HIVEP3: variants seen among roughly 807,000 people sequenced by gnomAD.
The protein encoded by HIVEP3 is HIVEP zinc finger 3, also known as transcription factor HIVEP3.
HIVEP3 carries 49 observed loss-of-function variants against 152.8 expected under a neutral mutation model. The ratio of observed to expected loss-of-function variants is 0.32; its 90% CI spans 0.26 to 0.41. HIVEP3 has a LOEUF of 0.41. Among genes scored for constraint, HIVEP3 ranks in the 10% least tolerant of loss-of-function variants. The pLI, the probability that HIVEP3 is intolerant of heterozygous loss-of-function variation, is 1.00. For missense variants in HIVEP3, 2,790 were observed against 3,103.3 expected, an observed-to-expected ratio of 0.90 and a Z score of 2.40; for synonymous variants, 1,269 against 1,289.0, an observed-to-expected ratio of 0.98 and a Z score of 0.33.
intron 5 of HIVEP3, among the ~76,000 whole-genome samples, chr1:41,538,159 C>T (rs550012169): frequency 5.9e-4 from 90 of 152,262 alleles, no homozygotes; most frequent in African/African-American, 2.1e-3. Context: ...ACACCTTTGT[C>T]TGAGACTTTT....
Position 41,518,431 on chromosome 1 carries a change from C to T in HIVEP3, c.5441G>A (p.Gly1814Glu), listed in dbSNP as rs764185026. The T allele has an allele frequency of 6.2e-7, 1 of 1,614,208 alleles. No homozygotes were observed. The highest frequency in any genetic ancestry group is 8.5e-7 in the Non-Finnish European group (1 of 1,180,030). Residue 1814 changes from glycine to glutamate, a missense_variant, in exon 7 of 9, where the codon GGG (glycine) becomes GAG (glutamate). This residue lies in a region of HIVEP3 where 816 missense variants were observed against 806.5 expected (regional missense o/e 1.01). Transcript: ENST00000372583. ...KAHSKKCQET[G>E]VLEELEAEEG... ...TTCGGCTTCCAGCTCCTCCAGCACC[C>T]CTGTCTCTTGGCACTTTTTGCTGTG...
chr1:41,844,200 A>C lies in HIVEP3; in HGVS notation c.-801+74213T>G, dbSNP rs1395527151. On this transcript the variant is annotated intron_variant, in intron 1 of 8. Transcript: ENST00000372583. ...AGTCCACCTCCACTGCAAACTGAGA[A>C]TCAGTTCAGCCAAGGGGCATGGAAA... 6.6e-5 allele frequency among the ~76,000 whole-genome samples: 10 copies of C among 152,200 alleles called. 1 individual carries two copies. The highest frequency in any genetic ancestry group is 1.2e-4 in the African/African-American group (5 of 41,444).
chr1:41,707,183 T>G (rs1288313525), intron 1 of HIVEP3, among the ~76,000 whole-genome samples: 2 of 152,210 alleles, frequency 1.3e-5, no homozygotes, highest in Non-Finnish European at 2.9e-5. Context: ...CTGGGGCTTC[T>G]TAGAGCCCAG....
At chr1:41,829,730 T>C (rs1466050640) in intron 1 of HIVEP3, among the ~76,000 whole-genome samples, 1 of 152,032 alleles carries the variant, frequency 6.6e-6, no homozygotes, top group African/African-American at 2.4e-5. Flanking sequence ...AAAAGTAAAT[T>C]TGAAGAGTCC....
At chr1:41,933,775 TG>T (rs1046119482) in intron 1 of HIVEP3, among the ~76,000 whole-genome samples, 8 of 152,018 alleles carry the variant, frequency 5.3e-5, no homozygotes, top group Non-Finnish European at 1.2e-4. Context: ...TAGCCTGGTT[TG>T]GGGGTGTGTG....
Position 41,511,126 on chromosome 1 carries a change from C to A in HIVEP3, c.6546G>T (p.Leu2182=). 1 of 1,614,194 alleles carries A rather than the reference C, an allele frequency of 6.2e-7. No individual in the cohort carries two copies. The highest frequency in any genetic ancestry group is 8.5e-7 in the Non-Finnish European group (1 of 1,180,038). The part of the protein sequence containing the change: ...TEENIFSHLP[L]HSQHLTRAPC... ...GGGCACGGGTCAAGTGCTGGGAGTG[C>A]AGAGGCAGGTGGCTGAAGATGTTCT... The change falls in exon 9 of 9, where the codon CTG becomes CTT. Residue 2182 remains leucine (L), a synonymous_variant. Transcript: ENST00000372583. The surrounding 1 kb of genome is among the most constrained non-coding windows in gnomAD (Gnocchi z 4.9).
intron 1 of HIVEP3, among the ~76,000 whole-genome samples, chr1:41,797,179 C>T (rs1296573216): frequency 4.6e-5 from 7 of 152,212 alleles, no homozygotes; most frequent in African/African-American, 7.2e-5. Context: ...TCCCAGGTCC[C>T]ACACCTGGCT....
chr1:41,795,938 G>A (rs1032111004), intron 1 of HIVEP3, among the ~76,000 whole-genome samples: 1 of 152,076 alleles, frequency 6.6e-6, no homozygotes, highest in Non-Finnish European at 1.5e-5. Flanking sequence ...ATTTCTCCAA[G>A]GAGTTCTGGT....
At chr1:42,019,176 G>A (rs1251943734) in intron 1 of HIVEP3, among the ~76,000 whole-genome samples, 1 of 151,998 alleles carries the variant, frequency 6.6e-6, no homozygotes, top group African/African-American at 2.4e-5. Context: ...GGTGCCATAA[G>A]TTATCTCAGC....
intron 3 of HIVEP3, among the ~76,000 whole-genome samples, chr1:41,586,620 G>A (rs531393959): frequency 4.6e-5 from 7 of 152,158 alleles, no homozygotes; most frequent in Non-Finnish European, 7.4e-5. Context: ...GGTGTGTGAT[G>A]ATACAGACTT....
At chr1:41,563,903 A>C (rs1469449316) in intron 5 of HIVEP3, among the ~76,000 whole-genome samples, 1 of 152,238 alleles carries the variant, frequency 6.6e-6, no homozygotes, top group Non-Finnish European at 1.5e-5. Flanking sequence ...AAGAAAAAAA[A>C]ATTCTTGAAA....
At chr1:41,643,890 C>CTT (rs58838768) in intron 2 of HIVEP3, among the ~76,000 whole-genome samples, 19 of 71,968 alleles carry the variant, frequency 2.6e-4, no homozygotes, top group African/African-American at 7.3e-4. Flanking sequence ...TTCCCATCCT[C>CTT]TTTTTTTTTT....
chr1:41,787,494 T>C lies in HIVEP3; in HGVS notation c.-800-86499A>G, dbSNP rs1191790547. Among the ~76,000 whole-genome samples the C allele has an allele frequency of 5.3e-5, 8 of 151,984 alleles. No homozygotes were observed. In the East Asian group the frequency reaches 1.5e-3, roughly 29 times the overall value. On this transcript the variant is annotated intron_variant, in intron 1 of 8. Transcript: ENST00000372583. ...GCAGATGAGTTTTCACATGGCTTCA[T>C]TGACATGCAAAGTGATTTTCTCTTT...
At chr1:41,608,555 T>G (rs1644853645) in intron 3 of HIVEP3, among the ~76,000 whole-genome samples, 1 of 152,186 alleles carries the variant, frequency 6.6e-6, no homozygotes, top group Non-Finnish European at 1.5e-5. Flanking sequence ...GCTAACCCAT[T>G]CCTTTTCTGT....
intron 1 of HIVEP3, among the ~76,000 whole-genome samples, chr1:42,015,821 T>C (rs975021613): frequency 3.3e-5 from 5 of 152,254 alleles, no homozygotes; most frequent in Non-Finnish European, 7.3e-5. Context: ...GGGATAAAAA[T>C]CTCAGTGAAT....
rs995798539 is a variant in HIVEP3 at position 41,512,914 on chromosome 1, C to T, written c.6307G>A (p.Gly2103Ser). Residue 2103 changes from glycine (G) to serine (S), a missense_variant, in exon 8 of 9, where the codon GGC becomes AGC. Physicochemically the swap from Gly to Ser is moderately conservative, Grantham distance 56. This residue lies in a region of HIVEP3 where 816 missense variants were observed against 806.5 expected (regional missense o/e 1.01). Coordinates refer to ENST00000372583, the MANE Select transcript of HIVEP3 (RefSeq NM_024503.5). ...GPGSPSAGEH[G>S]PGLGLDPRVL... is the part of the protein sequence containing the mutation. Reference sequence around the variant, plus strand: ...CGTGGGTCCAGCCCCAAGCCTGGGCCATGCTCCCCCGCTGAGGGGCTGCCC... The same window carrying T: ...CGTGGGTCCAGCCCCAAGCCTGGGCTATGCTCCCCCGCTGAGGGGCTGCCC... 1.1e-5 allele frequency: 17 copies of T among 1,588,564 alleles called. 1 individual carries two copies. Among genetic ancestry groups the T allele is most frequent in the Non-Finnish European group, 1.4e-5 (16 of 1,167,842 alleles).
chr1:42,014,388 C>CA (rs1468564155), intron 1 of HIVEP3, among the ~76,000 whole-genome samples: 1 of 151,768 alleles, frequency 6.6e-6, no homozygotes, highest in African/African-American at 2.4e-5. Flanking sequence ...GGAGGGGGTG[C>CA]AAAGCACAAG....
chr1:41,861,716 G>C (rs1466478041), intron 1 of HIVEP3, among the ~76,000 whole-genome samples: 1 of 152,224 alleles, frequency 6.6e-6, no homozygotes, highest in African/African-American at 2.4e-5. Flanking sequence ...CCAGATTTCA[G>C]AGAGGTCTGA....
At chr1:41,613,232 C>T (rs1644922614) in intron 3 of HIVEP3, among the ~76,000 whole-genome samples, 1 of 152,262 alleles carries the variant, frequency 6.6e-6, no homozygotes, top group African/African-American at 2.4e-5. Flanking sequence ...GATTTCTTTC[C>T]AGAACAGGAA....
Sources: gnomAD v4.1 joint callset for allele counts (sites outside exome capture counted in the v4.1 genomes callset) on GRCh38, gnomAD v4.1.1 for gene constraint, gnomAD v4.1.1 regional missense constraint, Gnocchi (gnomAD v3.1) non-coding constraint, MANE v1.5 for transcripts, NCBI Gene and HGNC (gene_info 2026-07-23, HGNC 2026-07-21) for gene names.